MAP1A: variants seen among roughly 807,000 people sequenced by gnomAD.
The protein encoded by MAP1A is microtubule associated protein 1A, also known as microtubule-associated protein 1A.
In MAP1A, 42 loss-of-function variants were observed where a neutral mutation model predicts 185.9. The ratio of observed to expected loss-of-function variants is 0.23; its 90% confidence interval spans 0.18 to 0.29. The LOEUF (loss-of-function observed/expected upper bound fraction) is 0.29. Ranked by LOEUF, MAP1A falls within the 10% of genes least tolerant of loss-of-function variation. The pLI is 1.00. For synonymous variants in MAP1A, 1,229 were observed against 1,335.9 expected (o/e 0.92, Z 1.74); for missense variants, 2,995 against 3,450.4 (o/e 0.87, Z 3.31).
At position 43,528,413 on chromosome 15, in the gene MAP1A, C is replaced by A; in HGVS notation, c.6940C>A (p.Leu2314Met). 1 of 1,613,754 alleles carries A rather than the reference C, an allele frequency of 6.2e-7. No homozygotes were observed. The highest frequency in any genetic ancestry group is 1.3e-5 in the African/African-American group (1 of 75,076). ...TCTGAGCCCAGCACCCCCAGCTTCA[C>A]TGGACTTGGCCCTAGCTCCAGCTCC... Reference protein sequence around the residue: ...TPLSPAPPASLDLALAPAPSL... With the variant: ...TPLSPAPPASMDLALAPAPSL... The change falls in exon 4 of 6, where the codon CTG becomes ATG. Residue 2314 changes from leucine to methionine, a missense_variant. By Grantham distance (15) the Leu-to-Met change is conservative. Coordinates refer to ENST00000300231, the MANE Select transcript of MAP1A (RefSeq NM_002373.6).
chr15:43,524,843 A>C lies in MAP1A; in HGVS notation c.3370A>C (p.Thr1124Pro). The C allele has an allele frequency of 6.2e-7, 1 of 1,614,108 alleles. No individual in the cohort carries two copies. Among genetic ancestry groups the C allele is most frequent in the Non-Finnish European group, 8.5e-7 (1 of 1,180,024 alleles). ...AGAAGCCCTTCCCGGAGGTTTGAGGACTTTACCCCAAGAACCTGGCAAACC... is the reference window on the plus strand; with the variant it reads ...AGAAGCCCTTCCCGGAGGTTTGAGGCCTTTACCCCAAGAACCTGGCAAACC... ...GAEALPGGLR[T>P]LPQEPGKPQK... is the part of the protein sequence containing the mutation. The change falls in exon 4 of 6, where the codon ACT becomes CCT. Residue 1124 changes from threonine (T) to proline (P), a missense_variant. By Grantham distance (38) the Thr-to-Pro change is conservative. This residue lies in a region of MAP1A where 2,728 missense variants were observed against 2,986.0 expected (regional missense o/e 0.91). Transcript: ENST00000300231.
intron 2 of MAP1A, among the ~76,000 whole-genome samples, chr15:43,512,558 A>G (rs887389637): frequency 1.3e-5 from 2 of 152,202 alleles, no homozygotes; most frequent in African/African-American, 4.8e-5. Flanking sequence ...CACTAAAGAA[A>G]TGAGGGACTC....
At chr15:43,519,132 A>T (rs958696224) in intron 1 of MAP1A, among the ~76,000 whole-genome samples, 1 of 152,144 alleles carries the variant, frequency 6.6e-6, no homozygotes, top group Non-Finnish European at 1.5e-5. Flanking sequence ...TGAACGACTT[A>T]AGGCTGGCAG....
chr15:43,527,628 G>A lies in MAP1A; in HGVS notation c.6155G>A (p.Ser2052Asn). ...CCCCCAAGGCCAGAGCCAGGGCCAA[G>A]TATGGAGCCCAGCCTCACCCCACCT... ...TVPPRPEPGP[S>N]MEPSLTPPAV... Residue 2052 changes from serine (S) to asparagine (N), a missense_variant, in exon 4 of 6, where the codon AGT becomes AAT. Ser to Asn is a conservative substitution (Grantham distance 46, BLOSUM62 1). Transcript: ENST00000300231. 1.2e-6 allele frequency: 2 copies of A among 1,613,950 alleles called. No homozygotes were observed. Among genetic ancestry groups the A allele is most frequent in the South Asian group, 1.1e-5 (1 of 91,066 alleles).
rs1359202442 is a variant in MAP1A, at chr15:43,529,020, C to T, written c.7547C>T (p.Pro2516Leu). 6.8e-6 allele frequency: 11 copies of T among 1,613,704 alleles called. No individual in the cohort carries two copies. Among genetic ancestry groups the T allele is most frequent in the Middle Eastern group, 1.6e-4 (1 of 6,084 alleles). ...TCCTCACAGTCAGATTCTGATGTCC[C>T]GCCAGAAACTGAGGAGTGTCCGTCC... The part of the protein sequence containing the change: ...SGSSQSDSDV[P>L]PETEECPSIT... Residue 2516 changes from proline to leucine, a missense_variant, in exon 4 of 6, where the codon CCG becomes CTG. By Grantham distance (98) the Pro-to-Leu change is moderately conservative. Around this residue, in one of 3 missense-constraint regions of MAP1A, gnomAD observed 2,728 missense variants for 2,986.0 expected, o/e 0.91. Coordinates refer to ENST00000300231, the MANE Select transcript of MAP1A (RefSeq NM_002373.6). The surrounding 1 kb of genome is among the most constrained non-coding windows in gnomAD (Gnocchi z 4.3).
intron 1 of MAP1A, among the ~76,000 whole-genome samples, chr15:43,518,513 A>C (rs1298720547): frequency 6.7e-6 from 1 of 149,080 alleles, no homozygotes; most frequent in African/African-American, 2.5e-5. Context: ...CCCCATCCCC[A>C]CCCCCCATGC....
At chr15:43,516,224 C>T (rs190777484), upstream of MAP1A, among the ~76,000 whole-genome samples, 8 of 152,272 alleles carry the variant, frequency 5.3e-5, no homozygotes, top group East Asian at 1.9e-4. Flanking sequence ...TCTACCCAAA[C>T]GGGGTTGTTG....
Position 43,526,313 on chromosome 15 carries a change from C to T in MAP1A, c.4840C>T (p.Leu1614Phe). Reference protein sequence around the residue: ...VKAMEEKLEALLEKTKALGLE... With the variant: ...VKAMEEKLEAFLEKTKALGLE... ...GGCCATGGAAGAGAAGTTAGAAGCTCTTCTGGAGAAGACCAAAGCTCTGGG... is the reference window on the plus strand; with the variant it reads ...GGCCATGGAAGAGAAGTTAGAAGCTTTTCTGGAGAAGACCAAAGCTCTGGG... The change falls in exon 4 of 6, where the codon CTT (leucine) becomes TTT (phenylalanine). Residue 1614 changes from leucine (L) to phenylalanine (F), a missense_variant. Physicochemically the swap from Leu to Phe is conservative, Grantham distance 22 (BLOSUM62 0). Around this residue, in one of 3 missense-constraint regions of MAP1A, gnomAD observed 2,728 missense variants for 2,986.0 expected, o/e 0.91. Transcript: ENST00000300231. This position sits in a 1 kb window ranked among gnomAD's most constrained non-coding sequence, Gnocchi z 4.7. 1.2e-6 allele frequency: 2 copies of T among 1,614,036 alleles called. No homozygotes were observed.
chr15:43,515,018 C>A (rs572144376), upstream of MAP1A, among the ~76,000 whole-genome samples: 1 of 152,188 alleles, frequency 6.6e-6, no homozygotes, highest in Admixed American at 6.5e-5. Flanking sequence ...GAGTTTGAGA[C>A]CAGCCTGGAC....
In MAP1A at chr15:43,530,152, C is replaced by T. The variant is rs2079366137; in HGVS notation, c.8340C>T (p.Val2780=). 6.2e-7 allele frequency: 1 copy of T among 1,614,080 alleles called. No homozygotes were observed. The highest frequency in any genetic ancestry group is 8.5e-7 in the Non-Finnish European group (1 of 1,180,036). ...QTHEQQQQLN[V]LVLASSSTVV... ...ATGAGCAGCAGCAACAACTGAATGTCCTGGTCCTGGCTAGCAGCAGCACCG... is the reference window on the plus strand; with the variant it reads ...ATGAGCAGCAGCAACAACTGAATGTTCTGGTCCTGGCTAGCAGCAGCACCG... The change falls in exon 6 of 6, where the codon GTC becomes GTT. Residue 2780 remains valine (V), a synonymous_variant. Coordinates refer to ENST00000300231, the MANE Select transcript of MAP1A (RefSeq NM_002373.6).
rs1287782994 is a variant in MAP1A, at chr15:43,526,456, T to C, written c.4983T>C (p.Ala1661=). 5 of 1,613,972 alleles carry C rather than the reference T, an allele frequency of 3.1e-6. No homozygotes were observed. In the Admixed American group the frequency reaches 6.7e-5, roughly 22 times the overall value. ...CATCTCCTACCAGAGAGGAGCCGGC[T>C]GGAGAACAGAAAGAGCTTGCCCCGG... is the stretch of plus-strand genomic sequence containing the variant. The part of the protein sequence containing the change: ...QETSPTREEP[A]GEQKELAPAW... Residue 1661 remains alanine, a synonymous_variant, in exon 4 of 6, where the codon GCT becomes GCC. Coordinates refer to ENST00000300231, the MANE Select transcript of MAP1A (RefSeq NM_002373.6). This position sits in a 1 kb window ranked among gnomAD's most constrained non-coding sequence, Gnocchi z 4.7.
rs1358160989 is a variant in MAP1A at position 43,531,084 on chromosome 15, T to G, written c.*860T>G. ...TCATCTGCTGTGGCTTGGTGTTTAA[T>G]GGGTTAAAAATAAGCCACTGCCTGA... On this transcript the variant is annotated 3_prime_UTR_variant, in exon 6 of 6. Transcript: ENST00000300231. The G allele has an allele frequency of 6.6e-6, 1 of 152,668 alleles. No individual in the cohort carries two copies. Among genetic ancestry groups the G allele is most frequent in the African/African-American group, 2.4e-5 (1 of 41,444 alleles). The allele number at this position is 152,668 out of a possible 1,614,324, so 9.5% of individuals were successfully genotyped here. A position where few individuals can be genotyped will look rare whatever the true frequency, so the allele number is the denominator to read the frequency against.
chr15:43,524,335 T>C lies in MAP1A; in HGVS notation c.2862T>C (p.Leu954=), dbSNP rs2079332992. 16 of 1,614,106 alleles carry C rather than the reference T, an allele frequency of 9.9e-6. No individual in the cohort carries two copies. The highest frequency in any genetic ancestry group is 1.2e-5 in the Non-Finnish European group (14 of 1,180,000). Residue 954 remains leucine (L), a synonymous_variant, in exon 4 of 6, where the codon CTT becomes CTC. Coordinates refer to ENST00000300231, the MANE Select transcript of MAP1A (RefSeq NM_002373.6). ...ETANVEMSEK[L]CSQYGTPVFS... is the part of the protein sequence containing the mutation. ...CAAACGTAGAGATGTCTGAGAAACT[T>C]TGCAGTCAATATGGAACTCCAGTGT... is the stretch of plus-strand genomic sequence containing the variant.
Position 43,524,011 on chromosome 15 carries a change from T to C in MAP1A, c.2538T>C (p.Ala846=). The change falls in exon 4 of 6, where the codon GCT becomes GCC. Residue 846 remains alanine (A), a synonymous_variant. Coordinates refer to ENST00000300231, the MANE Select transcript of MAP1A (RefSeq NM_002373.6). The part of the protein sequence containing the change: ...DKLSSFATSV[A]EDQSVASLTA... Reference sequence around the variant, plus strand: ...TTTCTTCCTTTGCCACATCAGTGGCTGAGGACCAATCTGTGGCCTCACTTA... The same window carrying C: ...TTTCTTCCTTTGCCACATCAGTGGCCGAGGACCAATCTGTGGCCTCACTTA... 1 of 1,614,114 alleles carries C rather than the reference T, an allele frequency of 6.2e-7. No individual in the cohort carries two copies. The highest frequency in any genetic ancestry group is 8.5e-7 in the Non-Finnish European group (1 of 1,180,030).
chr15:43,524,893 T>C lies in MAP1A; in HGVS notation c.3420T>C (p.Tyr1140=). ...GKPQKDEVLR[Y]PDRSLSPEDA... Reference sequence around the variant, plus strand: ...CTCAGAAAGATGAGGTGCTCAGATATCCTGACCGAAGCCTCTCTCCTGAAG... The same window carrying C: ...CTCAGAAAGATGAGGTGCTCAGATACCCTGACCGAAGCCTCTCTCCTGAAG... Residue 1140 remains tyrosine (Y), a synonymous_variant, in exon 4 of 6, where the codon TAT becomes TAC. Transcript: ENST00000300231. The C allele has an allele frequency of 6.2e-7, 1 of 1,614,112 alleles. No homozygotes were observed. Among genetic ancestry groups the C allele is most frequent in the Non-Finnish European group, 8.5e-7 (1 of 1,180,020 alleles).
Position 43,525,653 on chromosome 15 carries a change from C to A in MAP1A, c.4180C>A (p.Leu1394Met), listed in dbSNP as rs760423946. 24 of 1,614,106 alleles carry A rather than the reference C, an allele frequency of 1.5e-5. No individual in the cohort carries two copies. Among genetic ancestry groups the A allele is most frequent in the Non-Finnish European group, 2.0e-5 (24 of 1,180,040 alleles). ...AGCCATCTATCAGAAAGATGAGGCT[C>A]TGCATGTAAAGAATGAGGCTGTGAA... ...DTAIYQKDEA[L>M]HVKNEAVKQQ... The change falls in exon 4 of 6, where the codon CTG becomes ATG. Residue 1394 changes from leucine to methionine, a missense_variant. Physicochemically the swap from Leu to Met is conservative, Grantham distance 15. Coordinates refer to ENST00000300231, the MANE Select transcript of MAP1A (RefSeq NM_002373.6).
At chr15:43,518,554 T>TGGGGTGG (rs1482357884) in intron 1 of MAP1A, among the ~76,000 whole-genome samples, 1 of 152,010 alleles carries the variant, frequency 6.6e-6, no homozygotes. Flanking sequence ...CTTGTCATGC[T>TGGGGTGG]GGGGTGGGGG....
upstream of MAP1A, among the ~76,000 whole-genome samples, chr15:43,513,154 C>T (rs1053872276): frequency 2.0e-5 from 3 of 152,062 alleles, no homozygotes; most frequent in African/African-American, 7.2e-5. Context: ...CGGAGAAACC[C>T]CGCCTCTACT....
exon 1 of MAP1A, chr15:43,511,111 C>T (rs1255116832): frequency 3.2e-6 from 5 of 1,550,238 alleles, no homozygotes; most frequent in Admixed American, 2.0e-5. Context: ...TGTGCGAGGC[C>T]GGAGCCGCGG....
Sources: allele counts gnomAD v4.1 joint callset (sites outside exome capture counted in the v4.1 genomes callset), GRCh38; gene constraint gnomAD v4.1.1; regional missense constraint gnomAD v4.1.1; non-coding constraint Gnocchi (gnomAD v3.1); transcripts MANE v1.5; gene names NCBI Gene and HGNC (gene_info 2026-07-23, HGNC 2026-07-21).